The following DNAH11 variants were observed in gnomAD, a reference collection of about 807,000 sequenced individuals.
DNAH11 encodes dynein axonemal heavy chain 11.
DNAH11 carries 442 observed loss-of-function variants against 526.0 expected under a neutral mutation model. The ratio of observed to expected loss-of-function variants is 0.84; its 90% confidence interval spans 0.78 to 0.91. The LOEUF is 0.91. Ranked by LOEUF, DNAH11 falls within the 40% of genes least tolerant of loss-of-function variation. The pLI is 0.00. For synonymous variants in DNAH11, 2,461 were observed against 1,935.9 expected, an observed-to-expected ratio of 1.27 and a Z score of -7.12; for missense variants, 6,989 against 5,448.7, an observed-to-expected ratio of 1.28 and a Z score of -8.90.
intron 45 of DNAH11, among the ~76,000 whole-genome samples, chr7:21,726,598 A>G (rs1278919077): frequency 8.6e-5 from 13 of 151,924 alleles, no homozygotes; most frequent in Admixed American, 2.0e-4. Flanking sequence ...GCGGTGGTTC[A>G]TACCTGTAAT....
In DNAH11 at chr7:21,687,366, T is replaced by C; in HGVS notation, c.5779-16T>C. The C allele has an allele frequency of 6.3e-7, 1 of 1,595,284 alleles. No homozygotes were observed. Among genetic ancestry groups the C allele is most frequent in the Non-Finnish European group, 8.6e-7 (1 of 1,169,454 alleles). On this transcript the variant is annotated splice_polypyrimidine_tract_variant and intron_variant, in intron 33 of 81. Coordinates refer to ENST00000409508, the MANE Select transcript of DNAH11 (RefSeq NM_001277115.2). Reference sequence around the variant, plus strand: ...CCCCTTCTGTTAAATTCTGAGTGCCTCACTTTATCATTTAGTCCATAGGCA... The same window carrying C: ...CCCCTTCTGTTAAATTCTGAGTGCCCCACTTTATCATTTAGTCCATAGGCA...
At chr7:21,551,862 C>T (rs1471448089) in intron 2 of DNAH11, among the ~76,000 whole-genome samples, 1 of 137,410 alleles carries the variant, frequency 7.3e-6, no homozygotes, top group African/African-American at 2.7e-5. Flanking sequence ...TTGTTATGAG[C>T]AAATAATTTT....
At chr7:21,843,062 C>G (rs1782276700) in intron 66 of DNAH11, among the ~76,000 whole-genome samples, 1 of 152,100 alleles carries the variant, frequency 6.6e-6, no homozygotes, top group African/African-American at 2.4e-5. Context: ...CTAATTTAGC[C>G]TGGGCTAAAG....
chr7:21,763,683 C>G (rs1562532036), intron 54 of DNAH11, among the ~76,000 whole-genome samples: 1 of 150,616 alleles, frequency 6.6e-6, no homozygotes, highest in Non-Finnish European at 1.5e-5. Context: ...AAACCAGGAT[C>G]TTGAAGAGAT....
At chr7:21,598,943 A>G (rs1784967114) in intron 14 of DNAH11, among the ~76,000 whole-genome samples, 1 of 152,234 alleles carries the variant, frequency 6.6e-6, no homozygotes, top group African/African-American at 2.4e-5. Flanking sequence ...GCTGCATAGT[A>G]TTCCATGTAT....
In DNAH11 at chr7:21,837,116, A is replaced by G. The variant is rs573689727; in HGVS notation, c.10692-5428A>G. ...AACAATTGCTAGAATGGATGTGGAGAAAAGGGGATGCTTATACACCATTGG... is the reference window on the plus strand; with the variant it reads ...AACAATTGCTAGAATGGATGTGGAGGAAAGGGGATGCTTATACACCATTGG... On this transcript the variant is annotated intron_variant, in intron 65 of 81. Transcript: ENST00000409508. Among the ~76,000 whole-genome samples, 239 of 152,342 alleles carry G rather than the reference A, an allele frequency of 1.6e-3. 2 individuals are homozygous for G. Among genetic ancestry groups the G allele is most frequent in the African/African-American group, 5.5e-3 (228 of 41,590 alleles).
At chr7:21,709,103 T>C (rs914312070) in intron 40 of DNAH11, among the ~76,000 whole-genome samples, 1 of 152,178 alleles carries the variant, frequency 6.6e-6, no homozygotes, top group Admixed American at 6.5e-5. Flanking sequence ...AACAAATTGT[T>C]CTACCAAAAA....
intron 55 of DNAH11, among the ~76,000 whole-genome samples, chr7:21,766,193 A>G (rs1279491141): frequency 2.0e-5 from 3 of 152,316 alleles, no homozygotes; most frequent in Non-Finnish European, 2.9e-5. Flanking sequence ...TTAAAATCCC[A>G]TGGCATTTTA....
intron 25 of DNAH11, among the ~76,000 whole-genome samples, chr7:21,627,782 A>T (rs1206054405): frequency 6.6e-6 from 1 of 152,080 alleles, no homozygotes; most frequent in Non-Finnish European, 1.5e-5. Flanking sequence ...ATTCCATATA[A>T]ATTTTGAAAC....
chr7:21,739,487 G>A (rs775043099), intron 47 of DNAH11, 84 bp from the exon 48 acceptor site: 72 of 973,378 alleles, frequency 7.4e-5, no homozygotes, highest in Non-Finnish European at 1.0e-4. Flanking sequence ...GGTAATCTGC[G>A]ATGAAGACCT....
chr7:21,701,029 G>A (rs1360205556), intron 36 of DNAH11, among the ~76,000 whole-genome samples: 1 of 152,082 alleles, frequency 6.6e-6, no homozygotes, highest in Non-Finnish European at 1.5e-5. Context: ...GATGGGTACA[G>A]CAAACCACCA....
In DNAH11 at chr7:21,591,515, T is replaced by C; in HGVS notation, c.2605T>C (p.Leu869=). The C allele has an allele frequency of 5.6e-6, 9 of 1,599,820 alleles. No individual in the cohort carries two copies. The highest frequency in any genetic ancestry group is 7.7e-6 in the Non-Finnish European group (9 of 1,170,190). The part of the protein sequence containing the change: ...AAFTLEDKGD[L]FTKKYKLIQG... ...CTTCACCTTGGAGGACAAGGGTGAT[T>C]TGTTTACAAAAAAATACAAGTTAAT... The change falls in exon 14 of 82, where the codon TTG becomes CTG. Residue 869 remains leucine, a synonymous_variant. Transcript: ENST00000409508.
intron 4 of DNAH11, among the ~76,000 whole-genome samples, chr7:21,560,087 T>G (rs2128431432): frequency 6.6e-6 from 1 of 152,262 alleles, no homozygotes; most frequent in East Asian, 1.9e-4. Flanking sequence ...TTAGTCAACT[T>G]AATTGATTTG....
intron 8 of DNAH11, among the ~76,000 whole-genome samples, chr7:21,580,092 A>C (rs1336914910): frequency 6.6e-6 from 1 of 152,196 alleles, no homozygotes; most frequent in Non-Finnish European, 1.5e-5. Context: ...GGACTTTCCA[A>C]GGGAGAGGTC....
Position 21,543,250 on chromosome 7 carries a change from C to T in DNAH11, c.5C>T (p.Ala2Val). The stretch of plus-strand genomic sequence containing the variant: ...GTTCCCTCGGACGGTTGCCCAATGG[C>T]AGCCCAGGTGGCAGCCCGGGAGGCG... Reference protein sequence around the residue: MAAQVAAREARD... With the variant: MVAQVAAREARD... The change falls in exon 1 of 82, where the codon GCA becomes GTA. Residue 2 changes from alanine to valine, a missense_variant. Transcript: ENST00000409508. 6.5e-7 allele frequency: 1 copy of T among 1,533,792 alleles called. No homozygotes were observed. The highest frequency in any genetic ancestry group is 8.8e-7 in the Non-Finnish European group (1 of 1,139,592).
intron 65 of DNAH11, among the ~76,000 whole-genome samples, chr7:21,830,850 C>T (rs1317766083): frequency 2.6e-5 from 4 of 152,126 alleles, no homozygotes; most frequent in Admixed American, 2.6e-4. Context: ...AATAGGTACT[C>T]AGTACAAATA....
At chr7:21,685,076 C>T (rs560154808) in intron 32 of DNAH11, among the ~76,000 whole-genome samples, 2 of 152,288 alleles carry the variant, frequency 1.3e-5, no homozygotes, top group Admixed American at 6.5e-5. Flanking sequence ...TGCTCATAAT[C>T]GCGACATTTG....
chr7:21,563,872 C>A (rs186851951), intron 5 of DNAH11, among the ~76,000 whole-genome samples: 1 of 152,140 alleles, frequency 6.6e-6, no homozygotes, highest in East Asian at 1.9e-4. Context: ...TTTATTCCGA[C>A]AGTTTCCACA....
At chr7:21,624,146 A>G (rs1462268167) in intron 25 of DNAH11, among the ~76,000 whole-genome samples, 8 of 152,106 alleles carry the variant, frequency 5.3e-5, no homozygotes, top group Admixed American at 2.6e-4. Context: ...AGGTAGTACA[A>G]TAGCAGGTAG....
Sources: gnomAD v4.1 joint callset for allele counts (sites outside exome capture counted in the v4.1 genomes callset) on GRCh38, gnomAD v4.1.1 for gene constraint, MANE v1.5 for transcripts, NCBI Gene and HGNC (gene_info 2026-07-23, HGNC 2026-07-21) for gene names.